ADGRG5: variants seen among roughly 807,000 people sequenced by gnomAD.
The protein encoded by ADGRG5 is G protein-coupled receptor 114.
ADGRG5 carries 37 observed loss-of-function variants against 53.2 expected under a neutral mutation model. That is an observed-to-expected ratio of 0.70 (90% CI 0.53 to 0.91). The LOEUF (loss-of-function observed/expected upper bound fraction) is 0.91, where lower values mean the gene tolerates loss of function less well. ADGRG5 is among the 40% of genes least tolerant of loss of function. The pLI is 0.00. For synonymous variants in ADGRG5, 277 were observed against 290.4 expected (o/e 0.95, Z 0.47); for missense variants, 614 against 675.8 (o/e 0.91, Z 1.01).
rs2033193700 is a variant in ADGRG5, at chr16:57,568,058, C to T, written c.1024C>T (p.Leu342Phe). Reference protein sequence around the residue: ...MAIEGFNLYLLLGRVYNIYIR... With the variant: ...MAIEGFNLYLFLGRVYNIYIR... Reference sequence around the variant, plus strand: ...CATCGAGGGCTTCAACCTCTACCTCCTCCTCGGGCGTGTCTACAACATCTA... The same window carrying T: ...CATCGAGGGCTTCAACCTCTACCTCTTCCTCGGGCGTGTCTACAACATCTA... The change falls in exon 9 of 12, where the codon CTC (leucine) becomes TTC (phenylalanine). Residue 342 changes from leucine (L) to phenylalanine (F), a missense_variant. By Grantham distance (22) the Leu-to-Phe change is conservative. Coordinates refer to ENST00000349457, the MANE Select transcript of ADGRG5 (RefSeq NM_001304376.3). The T allele has an allele frequency of 6.2e-7, 1 of 1,614,038 alleles. No individual in the cohort carries two copies. The highest frequency in any genetic ancestry group is 8.5e-7 in the Non-Finnish European group (1 of 1,179,956).
chr16:57,532,211 A>G, the ADGRG5 span, among the ~76,000 whole-genome samples: 9 of 152,188 alleles, frequency 5.9e-5, no homozygotes, highest in East Asian at 1.7e-3. Flanking sequence ...CTAGGTGTGG[A>G]GCTTGGAATT....
chr16:57,564,891 G>T, intron 5 of ADGRG5, 143 bp from the exon 6 acceptor site: 1 of 624,922 alleles, frequency 1.6e-6, no homozygotes, highest in Non-Finnish European at 2.9e-6. Context: ...GGGAAGGCTG[G>T]GAGGCTGGGA....
chr16:57,561,174 T>G (rs1393660498), intron 1 of ADGRG5, among the ~76,000 whole-genome samples: 2 of 152,218 alleles, frequency 1.3e-5, no homozygotes, highest in African/African-American at 4.8e-5. Flanking sequence ...AGGCTTCTCC[T>G]TGTCTCCTGC....
the ADGRG5 span, among the ~76,000 whole-genome samples, chr16:57,536,047 C>A: frequency 6.6e-6 from 1 of 152,146 alleles, no homozygotes; most frequent in Non-Finnish European, 1.5e-5. Flanking sequence ...GCCCGCGCCG[C>A]GCGGTCCCGC....
At chr16:57,568,930 A>C (rs1299669223) in intron 9 of ADGRG5, among the ~76,000 whole-genome samples, 1 of 142,546 alleles carries the variant, frequency 7.0e-6, no homozygotes, top group Non-Finnish European at 1.5e-5. Flanking sequence ...CTCCGTCATC[A>C]CCATCATCAC....
At chr16:57,538,239 C>G (rs76306269), upstream of ADGRG5, among the ~76,000 whole-genome samples, 2,267 of 152,188 alleles carry the variant, frequency 0.015, 60 homozygotes, top group African/African-American at 0.052. Flanking sequence ...TTTGGCAGCT[C>G]GCATGATGTT....
the ADGRG5 span, among the ~76,000 whole-genome samples, chr16:57,529,878 G>A: frequency 1.2e-4 from 19 of 152,072 alleles, no homozygotes; most frequent in African/African-American, 4.1e-4. This position sits in a 1 kb window ranked among gnomAD's most constrained non-coding sequence, Gnocchi z 4.1. Context: ...TCCAGGACTG[G>A]GTCCTGACCA....
intron 1 of ADGRG5, among the ~76,000 whole-genome samples, chr16:57,548,859 C>A (rs547354652): frequency 2.6e-5 from 4 of 151,732 alleles, no homozygotes; most frequent in Non-Finnish European, 5.9e-5. Context: ...ACCATTTAAC[C>A]ATTTTCACCC....
At position 57,575,776 on chromosome 16, in the gene ADGRG5, C is replaced by G; in HGVS notation, c.*238C>G. 1 of 507,706 alleles carries G rather than the reference C, an allele frequency of 2.0e-6. No homozygotes were observed. Among genetic ancestry groups the G allele is most frequent in the Non-Finnish European group, 3.6e-6 (1 of 279,316 alleles). The allele number at this position is 507,706 out of a possible 1,614,324, so 31.5% of individuals were successfully genotyped here. A position where few individuals can be genotyped will look rare whatever the true frequency, so the allele number is the denominator to read the frequency against. ...CTTACCTGGGGCAGCAAACTTTGTC[C>G]TGGTACCTGGGCCCAGCTCGCCAGG... On this transcript the variant is annotated 3_prime_UTR_variant, in exon 12 of 12. Coordinates refer to ENST00000349457, the MANE Select transcript of ADGRG5 (RefSeq NM_001304376.3).
At chr16:57,529,529 A>C in the ADGRG5 span, among the ~76,000 whole-genome samples, 1 of 152,094 alleles carries the variant, frequency 6.6e-6, no homozygotes, top group Admixed American at 6.5e-5. This position sits in a 1 kb window ranked among gnomAD's most constrained non-coding sequence, Gnocchi z 4.1. Context: ...CAATCCCTTC[A>C]CCCAGCGGCG....
At chr16:57,559,023 T>C (rs1366472411) in intron 1 of ADGRG5, among the ~76,000 whole-genome samples, 1 of 151,624 alleles carries the variant, frequency 6.6e-6, no homozygotes. Context: ...TTTTTTTTTT[T>C]TTTTTTTTAA....
Position 57,562,046 on chromosome 16 carries a change from C to A in ADGRG5, c.-38-10C>A, listed in dbSNP as rs370988001. 2.0e-6 allele frequency: 3 copies of A among 1,478,078 alleles called. No homozygotes were observed. Among genetic ancestry groups the A allele is most frequent in the African/African-American group, 2.8e-5 (2 of 70,776 alleles). The allele number at this position is 1,478,078 out of a possible 1,614,324, so 91.6% of individuals were successfully genotyped here. A position where few individuals can be genotyped will look rare whatever the true frequency, so the allele number is the denominator to read the frequency against. On this transcript the variant is annotated splice_polypyrimidine_tract_variant and intron_variant, in intron 1 of 11. Coordinates refer to ENST00000349457, the MANE Select transcript of ADGRG5 (RefSeq NM_001304376.3). ...TTTATCATCATGGTGATGGCATGCA[C>A]CTTTTTCAGGGCCGGAGCCAGTTCT...
intron 10 of ADGRG5, among the ~76,000 whole-genome samples, chr16:57,573,032 G>A (rs1263689491): frequency 6.6e-6 from 1 of 152,142 alleles, no homozygotes; most frequent in Non-Finnish European, 1.5e-5. Context: ...GGATGAGGAC[G>A]ATTATGTACT....
At chr16:57,555,713 T>TA (rs1329196658) in intron 1 of ADGRG5, among the ~76,000 whole-genome samples, 3 of 152,236 alleles carry the variant, frequency 2.0e-5, no homozygotes, top group Non-Finnish European at 4.4e-5. Flanking sequence ...TTATCCCTGG[T>TA]AAAATTCCTT....
intron 7 of ADGRG5, among the ~76,000 whole-genome samples, 162 bp from the exon 8 acceptor site, chr16:57,567,308 C>A (rs2033160444): frequency 6.6e-6 from 1 of 152,056 alleles, no homozygotes; most frequent in Non-Finnish European, 1.5e-5. Flanking sequence ...GTGGAGGGGG[C>A]AAAACTGACT....
the ADGRG5 span, chr16:57,529,083 A>C: frequency 2.6e-6 from 3 of 1,168,220 alleles, no homozygotes; most frequent in Non-Finnish European, 3.2e-6. The surrounding 1 kb of genome is among the most constrained non-coding windows in gnomAD (Gnocchi z 4.1). Context: ...GGCAGGCCCC[A>C]TGCGCTCCGG....
chr16:57,570,608 G>T, intron 10 of ADGRG5, 73 bp downstream of exon 10: 1 of 1,088,618 alleles, frequency 9.2e-7, no homozygotes. Context: ...GGCTCCAAAT[G>T]GAATATCCTG....
At chr16:57,542,612 C>T (rs1403637870), upstream of ADGRG5, 1 of 151,730 alleles carries the variant, frequency 6.6e-6, no homozygotes, top group African/African-American at 2.4e-5. Context: ...AGAGGCCACC[C>T]ACAGACGCCT....
the ADGRG5 span, among the ~76,000 whole-genome samples, chr16:57,532,418 A>G: frequency 6.6e-6 from 1 of 152,098 alleles, no homozygotes; most frequent in Non-Finnish European, 1.5e-5. Flanking sequence ...TGCCTCTGTG[A>G]CCCAGTCTCT....
Sources: allele counts gnomAD v4.1 joint callset (sites outside exome capture counted in the v4.1 genomes callset), GRCh38; gene constraint gnomAD v4.1.1; non-coding constraint Gnocchi (gnomAD v3.1); transcripts MANE v1.5; gene names NCBI Gene and HGNC (gene_info 2026-07-23, HGNC 2026-07-21).